The following BSG variants were observed in gnomAD, a reference collection of about 807,000 sequenced individuals.
The protein encoded by BSG is basigin (Ok blood group), also known as basigin.
In BSG, 37 loss-of-function variants were observed where a neutral mutation model predicts 43.1. The observed-to-expected ratio is 0.86, with a 90% CI of 0.66 to 1.13. The LOEUF (loss-of-function observed/expected upper bound fraction) is 1.13. Ranked by LOEUF, BSG falls within the 50% of genes most tolerant of loss-of-function variation. BSG has a pLI of 0.00. For missense variants in BSG, 599 were observed against 554.2 expected (o/e 1.08, Z -0.81); for synonymous variants, 309 against 238.7 (o/e 1.29, Z -2.72).
intron 1 of BSG, 132 bp downstream of exon 1, chr19:572,833 G>C: frequency 9.2e-7 from 1 of 1,089,952 alleles, no homozygotes; most frequent in Non-Finnish European, 1.2e-6. Flanking sequence ...GCCGGCCCCG[G>C]GGGCTTCCCG....
chr19:579,481 G>A lies in BSG; in HGVS notation c.416-19G>A, dbSNP rs759924405. 5.6e-6 allele frequency: 9 copies of A among 1,611,852 alleles called. No individual in the cohort carries two copies. The highest frequency in any genetic ancestry group is 4.5e-5 in the East Asian group (2 of 44,884). Reference sequence around the variant, plus strand: ...CGTGCTCCTCCACTCTGCTGACCGCGTCTCGCCGGGCCTTGCAGCCGGCAC... The same window carrying A: ...CGTGCTCCTCCACTCTGCTGACCGCATCTCGCCGGGCCTTGCAGCCGGCAC... On this transcript the variant is annotated intron_variant, in intron 2 of 8. Transcript: ENST00000333511.
Position 582,559 on chromosome 19 carries a change from C to T in BSG, c.1140C>T (p.Arg380=), listed in dbSNP as rs1303082739. 1 of 1,586,518 alleles carries T rather than the reference C, an allele frequency of 6.3e-7. No individual in the cohort carries two copies. The highest frequency in any genetic ancestry group is 1.8e-5 in the Admixed American group (1 of 56,600). ...AGAATGACAAAGGCAAGAACGTCCGCCAGAGGAACTCTTCCTGAGGCAGGT... is the reference window on the plus strand; with the variant it reads ...AGAATGACAAAGGCAAGAACGTCCGTCAGAGGAACTCTTCCTGAGGCAGGT... The part of the protein sequence containing the change: ...QHQNDKGKNV[R]QRNSS The change falls in exon 8 of 9, where the codon CGC becomes CGT. Residue 380 remains arginine, a synonymous_variant. Coordinates refer to ENST00000333511, the MANE Select transcript of BSG (RefSeq NM_001728.4).
chr19:580,332 C>T (rs764012546), intron 3 of BSG, 47 bp from the exon 4 acceptor site: 11 of 1,566,782 alleles, frequency 7.0e-6, no homozygotes, highest in Admixed American at 5.1e-5. Flanking sequence ...TCCTTGGAGG[C>T]GTCCTGCAGA....
upstream of BSG, chr19:572,231 G>A (rs28915401): frequency 0.014 from 3,929 of 276,462 alleles, 137 homozygotes; most frequent in African/African-American, 0.083. Flanking sequence ...GAGCCACAGC[G>A]GCCGGCCCGT....
intron 8 of BSG, 26 bp from the exon 9 acceptor site, chr19:582,724 G>A: frequency 1.1e-6 from 1 of 888,506 alleles, no homozygotes; most frequent in South Asian, 1.6e-5. Flanking sequence ...GGTGGGTCCA[G>A]TCTGAGCGCC....
upstream of BSG, chr19:572,493 C>T (rs1390533927): frequency 2.5e-6 from 3 of 1,191,102 alleles, no homozygotes; most frequent in Admixed American, 1.4e-4. Context: ...GGCGGGGCGA[C>T]CGGCGTCCCC....
At chr19:578,804 C>T (rs1283687067) in intron 2 of BSG, 13 of 347,580 alleles carry the variant, frequency 3.7e-5, no homozygotes, top group South Asian at 8.6e-5. Context: ...AATCTCGGCT[C>T]ACTGCAACTT....
rs1409312839 is a variant in BSG, at chr19:581,538, T to C, written c.1016T>C (p.Val339Ala). 6.3e-7 allele frequency: 1 copy of C among 1,598,306 alleles called. No individual in the cohort carries two copies. The highest frequency in any genetic ancestry group is 1.3e-5 in the African/African-American group (1 of 74,586). Reference protein sequence around the residue: ...LGIVAEVLVLVTIIFIYEKRR... With the variant: ...LGIVAEVLVLATIIFIYEKRR... ...ATCGTGGCTGAGGTGCTGGTGCTGG[T>C]CACCATCATCTTCATCTACGAGAAG... The change falls in exon 6 of 9, where the codon GTC becomes GCC. Residue 339 changes from valine (V) to alanine (A), a missense_variant. Transcript: ENST00000333511.
intron 7 of BSG, 86 bp from the exon 8 acceptor site, chr19:582,428 G>A (rs1251133095): frequency 6.4e-5 from 103 of 1,601,906 alleles, no homozygotes; most frequent in Non-Finnish European, 7.9e-5. Context: ...CAGTATTCGG[G>A]GGTCCTGGGG....
At chr19:580,870 A>G (rs28992477) in intron 5 of BSG, 88 bp downstream of exon 5, 5 of 1,138,944 alleles carry the variant, frequency 4.4e-6, no homozygotes, top group Non-Finnish European at 5.6e-6. Flanking sequence ...CCCAGCCCTC[A>G]GGACTGGGTG....
At chr19:581,812 C>T (rs1193060505) in intron 6 of BSG, among the ~76,000 whole-genome samples, 2 of 152,250 alleles carry the variant, frequency 1.3e-5, no homozygotes, top group African/African-American at 2.4e-5. Flanking sequence ...GAGGCGGCAC[C>T]TCCGCCCCAC....
rs570860899 is a variant in BSG at position 578,000 on chromosome 19, C to T, written c.294C>T (p.Leu98=). Residue 98 remains leucine (L), a synonymous_variant, in exon 2 of 9, where the codon CTC becomes CTT. Coordinates refer to ENST00000333511, the MANE Select transcript of BSG (RefSeq NM_001728.4). ...HAASTISIDT[L]VEEDTGTYEC... ...CCAGCACCATCTCCATCGACACGCT[C>T]GTGGAGGAGGACACGGGCACTTACG... The T allele has an allele frequency of 2.1e-5, 34 of 1,612,038 alleles. No individual in the cohort carries two copies. The African/African-American group carries it at 2.9e-4, about 14-fold the overall frequency.
rs1982344521 is a variant in BSG at position 581,742 on chromosome 19, G to A, written c.1069+151G>A. The A allele has an allele frequency of 1.0e-5, 12 of 1,176,524 alleles. No homozygotes were observed. The South Asian group carries it at 1.9e-4, about 19-fold the overall frequency. 72.9% of individuals were successfully genotyped at this position (1,176,524 alleles called of 1,614,324 possible). ...TGATGGGACCCCGAAAGAAAGTGTG[G>A]GATGGAGGGTCTAGCCCCGGGCAGC... On this transcript the variant is annotated intron_variant, in intron 6 of 8. Coordinates refer to ENST00000333511, the MANE Select transcript of BSG (RefSeq NM_001728.4).
At chr19:573,840 T>C (rs149894645) in intron 1 of BSG, among the ~76,000 whole-genome samples, 1 of 152,330 alleles carries the variant, frequency 6.6e-6, no homozygotes, top group African/African-American at 2.4e-5. Context: ...AAACGTGGTT[T>C]GGAGAGCGCA....
At chr19:577,198 G>A (rs1981853499) in intron 1 of BSG, among the ~76,000 whole-genome samples, 1 of 152,122 alleles carries the variant, frequency 6.6e-6, no homozygotes, top group African/African-American at 2.4e-5. Context: ...CGTGTGGCTG[G>A]AGGTGAGAGG....
Position 580,296 on chromosome 19 carries a change from T to TGGTTGG in BSG, c.573-81_573-76dup, listed in dbSNP as rs945915945. The TGGTTGG allele has an allele frequency of 2.3e-6, 3 of 1,285,448 alleles. No individual in the cohort carries two copies. In the African/African-American group the frequency reaches 4.4e-5, roughly 19 times the overall value. The allele number at this position is 1,285,448 out of a possible 1,614,324, so 79.6% of individuals were successfully genotyped here. ...ACAGTTTTGCTTTTTCACTGTGCCG[T>TGGTTGG]GGTTGGGCCCCTGGAGAACCCTGGG... On this transcript the variant is annotated intron_variant, in intron 3 of 8. Transcript: ENST00000333511.
At chr19:580,613 G>A (rs1343227538) in intron 4 of BSG, 33 bp from the exon 5 acceptor site, 6 of 1,612,158 alleles carry the variant, frequency 3.7e-6, no homozygotes, top group Non-Finnish European at 4.2e-6. Context: ...CGGGCCTGCG[G>A]TTCCAGGCTC....
intron 4 of BSG, 79 bp downstream of exon 4, chr19:580,540 A>G (rs557528051): frequency 1.2e-6 from 2 of 1,604,634 alleles, no homozygotes; most frequent in African/African-American, 1.3e-5. Flanking sequence ...GGCACATCCC[A>G]GAGCCCTGGC....
At chr19:580,322 T>A in intron 3 of BSG, 57 bp from the exon 4 acceptor site, 2 of 1,533,932 alleles carry the variant, frequency 1.3e-6, no homozygotes, top group Non-Finnish European at 1.8e-6. Context: ...GAACCCTGGG[T>A]CCTTGGAGGC....
Sources: allele counts gnomAD v4.1 joint callset (sites outside exome capture counted in the v4.1 genomes callset), GRCh38; gene constraint gnomAD v4.1.1; transcripts MANE v1.5; gene names NCBI Gene and HGNC (gene_info 2026-07-23, HGNC 2026-07-21).